Variants in KCNK2 observed in about 807,000 individuals in gnomAD.
The protein encoded by KCNK2 is potassium two pore domain channel subfamily K member 2, also known as potassium channel subfamily K member 2.
Under a neutral mutation model 40.5 loss-of-function variants are expected in KCNK2, and 21 were observed. The observed-to-expected ratio is 0.52, with a 90% confidence interval of 0.37 to 0.75. The LOEUF (loss-of-function observed/expected upper bound fraction) is 0.75. KCNK2 is among the 30% of genes least tolerant of loss of function. The probability of loss-of-function intolerance (pLI) is 0.00; values close to 1 mark genes in which losing one functional copy is unlikely to be tolerated. For missense variants in KCNK2, 399 were observed against 531.6 expected (o/e 0.75, Z 2.45); for synonymous variants, 191 against 202.2 (o/e 0.94, Z 0.47).
At chr1:215,005,554 G>C (rs1348048332), upstream of KCNK2, among the ~76,000 whole-genome samples, 2 of 152,214 alleles carry the variant, frequency 1.3e-5, no homozygotes, top group Non-Finnish European at 2.9e-5. Context: ...AAACTTGTGA[G>C]AATAAGTGAC....
chr1:215,026,818 A>ATG (rs1491103764), intron 1 of KCNK2, among the ~76,000 whole-genome samples: 1 of 148,042 alleles, frequency 6.8e-6, no homozygotes, highest in African/African-American at 2.5e-5. Context: ...CATCATGTGT[A>ATG]TGTGTGTGTG....
At chr1:215,077,670 C>T (rs1219221149) in intron 1 of KCNK2, among the ~76,000 whole-genome samples, 1 of 151,972 alleles carries the variant, frequency 6.6e-6, no homozygotes, top group Non-Finnish European at 1.5e-5. Context: ...CTGTCCACCA[C>T]CAAGCCTCAC....
intron 5 of KCNK2, among the ~76,000 whole-genome samples, chr1:215,173,949 T>C (rs1663836005): frequency 6.6e-6 from 1 of 152,334 alleles, no homozygotes; most frequent in South Asian, 2.1e-4. Flanking sequence ...TAGTTTCTTT[T>C]GCTGTGCAGA....
At position 215,235,755 on chromosome 1, in the gene KCNK2, G is replaced by C. The variant is rs1275080992; in HGVS notation, c.*610G>C. On this transcript the variant is annotated 3_prime_UTR_variant, in exon 7 of 7. Transcript: ENST00000444842. ...AATACCATACCTTGCTGGAAACAGT[G>C]TGTAAAATGACTGAAGTGATGATGC... The C allele has an allele frequency of 6.6e-6, 1 of 152,602 alleles. No individual in the cohort carries two copies. Among genetic ancestry groups the C allele is most frequent in the Non-Finnish European group, 1.5e-5 (1 of 68,074 alleles). 9.5% of individuals were successfully genotyped at this position (152,602 alleles called of 1,614,324 possible).
intron 3 of KCNK2, among the ~76,000 whole-genome samples, chr1:215,136,772 T>C (rs1661939543): frequency 6.6e-6 from 1 of 152,200 alleles, no homozygotes; most frequent in Non-Finnish European, 1.5e-5. Context: ...TCATATGACA[T>C]TGGCCAAACC....
At chr1:215,025,388 C>T (rs1312450123) in intron 1 of KCNK2, among the ~76,000 whole-genome samples, 3 of 151,912 alleles carry the variant, frequency 2.0e-5, no homozygotes, top group Non-Finnish European at 1.5e-5. Context: ...ATAACATTTT[C>T]TTTCCTTTTT....
intron 6 of KCNK2, among the ~76,000 whole-genome samples, chr1:215,200,637 G>A (rs1007637075): frequency 3.3e-5 from 5 of 152,174 alleles, no homozygotes; most frequent in Admixed American, 2.0e-4. Flanking sequence ...CTGGATTCAG[G>A]AAAATCAGTT....
chr1:215,168,135 G>C (rs1663532706), intron 3 of KCNK2, among the ~76,000 whole-genome samples: 1 of 152,198 alleles, frequency 6.6e-6, no homozygotes. Context: ...CTGATCATTA[G>C]AGAAATACAA....
intron 1 of KCNK2, among the ~76,000 whole-genome samples, chr1:215,015,534 T>C (rs1458785907): frequency 2.6e-5 from 4 of 152,080 alleles, no homozygotes; most frequent in African/African-American, 9.7e-5. Context: ...AGATGGATAA[T>C]TAATTTCTAG....
At chr1:215,063,816 A>T (rs1658440123) in intron 1 of KCNK2, among the ~76,000 whole-genome samples, 1 of 152,160 alleles carries the variant, frequency 6.6e-6, no homozygotes, top group East Asian at 1.9e-4. Context: ...TTAGAACCGG[A>T]GGGATAGGGT....
chr1:215,084,077 G>A (rs2102527471), intron 1 of KCNK2, among the ~76,000 whole-genome samples: 1 of 152,014 alleles, frequency 6.6e-6, no homozygotes, highest in South Asian at 2.1e-4. Context: ...ATCAGTTTCT[G>A]TCCATTCTGT....
intron 1 of KCNK2, among the ~76,000 whole-genome samples, chr1:215,059,398 A>T (rs1658290702): frequency 1.3e-5 from 2 of 151,558 alleles, no homozygotes; most frequent in South Asian, 4.3e-4. Context: ...TTAAGCCAAT[A>T]AGTCTGAAAG....
intron 3 of KCNK2, among the ~76,000 whole-genome samples, chr1:215,139,337 A>G (rs1210175154): frequency 6.6e-6 from 1 of 152,228 alleles, no homozygotes; most frequent in Non-Finnish European, 1.5e-5. Flanking sequence ...CTACCTCCAC[A>G]TAATAAGAGG....
intron 6 of KCNK2, among the ~76,000 whole-genome samples, chr1:215,230,505 C>CTATATATA (rs1558150207): frequency 1.5e-5 from 1 of 65,582 alleles, no homozygotes; most frequent in Non-Finnish European, 2.8e-5. Context: ...ACACACACGG[C>CTATATATA]TGTATATATA....
chr1:215,102,222 C>G (rs1007765515), intron 2 of KCNK2, among the ~76,000 whole-genome samples: 1 of 151,944 alleles, frequency 6.6e-6, no homozygotes, highest in African/African-American at 2.4e-5. Context: ...TATTCCTGAA[C>G]AGCTTCCAGT....
intron 1 of KCNK2, among the ~76,000 whole-genome samples, chr1:215,037,520 T>A (rs951443669): frequency 6.6e-6 from 1 of 151,996 alleles, no homozygotes; most frequent in South Asian, 2.1e-4. Context: ...AAGATTTCGA[T>A]AAGGGTTATC....
At chr1:215,175,383 A>G (rs1194744821) in intron 5 of KCNK2, among the ~76,000 whole-genome samples, 1 of 152,144 alleles carries the variant, frequency 6.6e-6, no homozygotes, top group Non-Finnish European at 1.5e-5. Context: ...TGAAGGGAAT[A>G]TAATCACTGG....
chr1:215,101,007 T>C (rs1660183395), intron 2 of KCNK2, among the ~76,000 whole-genome samples: 1 of 152,028 alleles, frequency 6.6e-6, no homozygotes, highest in African/African-American at 2.4e-5. Flanking sequence ...TCAGATAGCA[T>C]ATTAGCTGTT....
chr1:215,231,060 A>G (rs1260683682), intron 6 of KCNK2, among the ~76,000 whole-genome samples: 2 of 152,188 alleles, frequency 1.3e-5, no homozygotes, highest in Non-Finnish European at 2.9e-5. Flanking sequence ...TGTGTTTGCC[A>G]TTAGTGCAAA....
Sources: gnomAD v4.1 joint callset for allele counts (sites outside exome capture counted in the v4.1 genomes callset) on GRCh38, gnomAD v4.1.1 for gene constraint, MANE v1.5 for transcripts, NCBI Gene and HGNC (gene_info 2026-07-23, HGNC 2026-07-21) for gene names.